NLK: variants seen among roughly 807,000 people sequenced by gnomAD.
NLK encodes serine/threonine-protein kinase NLK.
NLK carries 11 observed loss-of-function variants against 59.0 expected under a neutral mutation model. The ratio of observed to expected loss-of-function variants is 0.19; its 90% CI spans 0.12 to 0.31. NLK has a LOEUF of 0.31. NLK is among the 10% of genes least tolerant of loss of function. The pLI is 1.00. For synonymous variants in NLK, 235 were observed against 235.9 expected (o/e 1.00, Z 0.03); for missense variants, 410 against 661.1 (o/e 0.62, Z 4.16).
intron 3 of NLK, among the ~76,000 whole-genome samples, chr17:28,146,841 C>T (rs1448125390): frequency 6.6e-6 from 1 of 152,126 alleles, no homozygotes; most frequent in Non-Finnish European, 1.5e-5. Flanking sequence ...ACACTAAGAC[C>T]TTTGACTAAT....
intron 1 of NLK, among the ~76,000 whole-genome samples, chr17:28,112,195 C>T (rs1047349013): frequency 6.6e-6 from 1 of 152,030 alleles, no homozygotes; most frequent in African/African-American, 2.4e-5. Flanking sequence ...TTCTGATAGT[C>T]TGCCCTTCTT....
chr17:28,147,077 A>G (rs977510261), intron 3 of NLK, among the ~76,000 whole-genome samples: 5 of 152,068 alleles, frequency 3.3e-5, no homozygotes, highest in African/African-American at 7.3e-5. Flanking sequence ...TTACATGTCA[A>G]TGTCAGTCTT....
At position 28,043,116 on chromosome 17, in the gene NLK, T is replaced by G; in HGVS notation, c.243T>G (p.Ala81=). ...AAAAAAAAAA[A]AAMLNPGQQQ... ...CGGCAGCCGCAGCAGCGGCTGCAGC[T>G]GCAGCCATGTTAAACCCTGGGCAAC... The change falls in exon 1 of 11, where the codon GCT becomes GCG. Residue 81 remains alanine, a synonymous_variant. Coordinates refer to ENST00000407008, the MANE Select transcript of NLK (RefSeq NM_016231.5). The G allele has an allele frequency of 6.3e-7, 1 of 1,598,560 alleles. No homozygotes were observed. The highest frequency in any genetic ancestry group is 8.5e-7 in the Non-Finnish European group (1 of 1,172,598).
intron 3 of NLK, among the ~76,000 whole-genome samples, chr17:28,158,087 A>G (rs1357696191): frequency 6.6e-6 from 1 of 152,196 alleles, no homozygotes; most frequent in Non-Finnish European, 1.5e-5. Flanking sequence ...AAAGCTGTGC[A>G]AGGTGATAGC....
intron 1 of NLK, among the ~76,000 whole-genome samples, chr17:28,085,202 T>C (rs1296787760): frequency 6.6e-6 from 1 of 152,004 alleles, no homozygotes; most frequent in Non-Finnish European, 1.5e-5. Context: ...GCCTTTTGTC[T>C]CCCCACCCCA....
chr17:28,091,615 C>A (rs1904497594), intron 1 of NLK, among the ~76,000 whole-genome samples: 1 of 152,016 alleles, frequency 6.6e-6, no homozygotes, highest in African/African-American at 2.4e-5. Context: ...CAGTAATCTA[C>A]CAAATAAAAG....
intron 7 of NLK, 73 bp downstream of exon 7, chr17:28,172,691 A>G: frequency 1.3e-6 from 1 of 788,156 alleles, no homozygotes; most frequent in East Asian, 3.4e-5. Flanking sequence ...AGAGTAATCT[A>G]TTAAGGATTT....
chr17:28,122,890 G>C (rs1783671429), intron 2 of NLK, among the ~76,000 whole-genome samples, 158 bp downstream of exon 2: 1 of 152,064 alleles, frequency 6.6e-6, no homozygotes, highest in South Asian at 2.1e-4. Flanking sequence ...CACCAGTGAG[G>C]TTATGGGAGA....
intron 1 of NLK, among the ~76,000 whole-genome samples, chr17:28,057,247 G>A (rs1403720005): frequency 1.3e-5 from 2 of 152,088 alleles, no homozygotes; most frequent in Non-Finnish European, 2.9e-5. Flanking sequence ...GAGCCACCAC[G>A]CCCAACTGCA....
chr17:28,144,877 G>A (rs777609299), intron 3 of NLK, among the ~76,000 whole-genome samples: 1 of 152,196 alleles, frequency 6.6e-6, no homozygotes, highest in Non-Finnish European at 1.5e-5. Context: ...GACCAGCTGA[G>A]TCTCCTGCTA....
At chr17:28,184,593 C>T (rs1017385806) in intron 7 of NLK, among the ~76,000 whole-genome samples, 1 of 152,120 alleles carries the variant, frequency 6.6e-6, no homozygotes, top group Non-Finnish European at 1.5e-5. Flanking sequence ...ATTTGCAATT[C>T]GTTTTCATTT....
intron 1 of NLK, among the ~76,000 whole-genome samples, chr17:28,077,861 GTC>G (rs1283004671): frequency 6.6e-6 from 1 of 152,038 alleles, no homozygotes; most frequent in South Asian, 2.1e-4. Flanking sequence ...CCTATCATAG[GTC>G]TCTCTCATAA....
At chr17:28,053,107 T>C (rs985091033) in intron 1 of NLK, among the ~76,000 whole-genome samples, 2 of 152,092 alleles carry the variant, frequency 1.3e-5, no homozygotes, top group Non-Finnish European at 2.9e-5. Flanking sequence ...TACATACTCA[T>C]TTCTGAACCA....
chr17:28,080,053 A>G (rs574096777), intron 1 of NLK, among the ~76,000 whole-genome samples: 3 of 152,180 alleles, frequency 2.0e-5, no homozygotes, highest in Admixed American at 6.5e-5. Flanking sequence ...TTTCCCCAAT[A>G]TTATTATTAA....
intron 1 of NLK, among the ~76,000 whole-genome samples, chr17:28,063,817 C>G (rs1480791140): frequency 2.0e-5 from 3 of 152,182 alleles, no homozygotes; most frequent in Non-Finnish European, 2.9e-5. Flanking sequence ...AATAATTAAA[C>G]TGAACGAAAT....
intron 1 of NLK, among the ~76,000 whole-genome samples, chr17:28,081,045 A>AC (rs146213012): frequency 0.011 from 1,633 of 147,492 alleles, 31 homozygotes; most frequent in African/African-American, 0.039. Flanking sequence ...ACATGCCACC[A>AC]CACCTGGCTT....
Position 28,185,166 on chromosome 17 carries a change from A to G in NLK, c.1150-13A>G, listed in dbSNP as rs369820885. 93 of 1,511,338 alleles carry G rather than the reference A, an allele frequency of 6.2e-5. No homozygotes were observed. Among genetic ancestry groups the G allele is most frequent in the Non-Finnish European group, 7.0e-5 (78 of 1,119,834 alleles). 93.6% of individuals were successfully genotyped at this position (1,511,338 alleles called of 1,614,324 possible). A position where few individuals can be genotyped will look rare whatever the true frequency, so the allele number is the denominator to read the frequency against. ...GACTCACTTAAATATTTGAATTTTT[A>G]ATTTTTTCACAGCCATCTCTTCCTG... On this transcript the variant is annotated splice_polypyrimidine_tract_variant and intron_variant, in intron 7 of 10. Transcript: ENST00000407008.
chr17:28,091,246 A>T (rs913840658), intron 1 of NLK, among the ~76,000 whole-genome samples: 1 of 152,126 alleles, frequency 6.6e-6, no homozygotes, highest in African/African-American at 2.4e-5. Flanking sequence ...GGCTACAGTC[A>T]TATGTATCAA....
chr17:28,076,395 T>A (rs952860919), intron 1 of NLK, among the ~76,000 whole-genome samples: 1 of 152,156 alleles, frequency 6.6e-6, no homozygotes, highest in Non-Finnish European at 1.5e-5. Context: ...GGCAGGTCTT[T>A]GGGGCCTCTT....
Sources: gnomAD v4.1 joint callset for allele counts (sites outside exome capture counted in the v4.1 genomes callset) on GRCh38, gnomAD v4.1.1 for gene constraint, MANE v1.5 for transcripts, NCBI Gene and HGNC (gene_info 2026-07-23, HGNC 2026-07-21) for gene names.